The following KCNQ5 variants were observed in gnomAD, a reference collection of about 807,000 sequenced individuals.
KCNQ5 encodes potassium voltage-gated channel subfamily KQT member 5.
In KCNQ5, 30 loss-of-function variants were observed where a neutral mutation model predicts 98.2. The ratio of observed to expected loss-of-function variants is 0.31; its 90% confidence interval spans 0.23 to 0.41. The LOEUF is 0.41. Among genes scored for constraint, KCNQ5 ranks in the 10% least tolerant of loss-of-function variants. The pLI is 1.00. For synonymous variants in KCNQ5, 458 were observed against 449.4 expected (o/e 1.02, Z -0.24); for missense variants, 835 against 1,182.5 (o/e 0.71, Z 4.31).
chr6:73,086,856 A>G (rs1774008850), intron 5 of KCNQ5, among the ~76,000 whole-genome samples: 1 of 152,200 alleles, frequency 6.6e-6, no homozygotes, highest in South Asian at 2.1e-4. Flanking sequence ...AGTATTTTGG[A>G]TAAGACCTGA....
intron 1 of KCNQ5, among the ~76,000 whole-genome samples, chr6:72,909,457 G>A (rs1779836310): frequency 6.6e-6 from 1 of 152,160 alleles, no homozygotes; most frequent in Non-Finnish European, 1.5e-5. Flanking sequence ...TCCAAAGTGA[G>A]AATAATGATC....
At chr6:72,717,032 C>G (rs1001746581) in intron 1 of KCNQ5, among the ~76,000 whole-genome samples, 1 of 152,154 alleles carries the variant, frequency 6.6e-6, no homozygotes, top group Non-Finnish European at 1.5e-5. Context: ...CTCAAAGATG[C>G]TGAAATTCAT....
chr6:72,946,352 G>A (rs1165259533), intron 1 of KCNQ5, among the ~76,000 whole-genome samples: 1 of 152,102 alleles, frequency 6.6e-6, no homozygotes, highest in Non-Finnish European at 1.5e-5. Flanking sequence ...GATGAGATTA[G>A]CACCTTTCCC....
At chr6:72,887,111 GAA>G (rs1310473283) in intron 1 of KCNQ5, among the ~76,000 whole-genome samples, 2 of 152,148 alleles carry the variant, frequency 1.3e-5, no homozygotes, top group African/African-American at 4.8e-5. Context: ...AATGTTCTAA[GAA>G]AGAAGGAAAA....
intron 10 of KCNQ5, among the ~76,000 whole-genome samples, chr6:73,167,341 C>T (rs909596992): frequency 1.3e-5 from 2 of 152,204 alleles, no homozygotes; most frequent in Non-Finnish European, 2.9e-5. Context: ...TGCCCTGTCT[C>T]TCCTGACATA....
intron 1 of KCNQ5, among the ~76,000 whole-genome samples, chr6:72,930,194 C>T (rs1311318405): frequency 6.6e-6 from 1 of 151,002 alleles, no homozygotes; most frequent in Non-Finnish European, 1.5e-5. Flanking sequence ...GGAGTAGGAG[C>T]TTAACACATA....
At chr6:72,973,320 T>A (rs1767992629) in intron 1 of KCNQ5, among the ~76,000 whole-genome samples, 1 of 151,868 alleles carries the variant, frequency 6.6e-6, no homozygotes, top group Non-Finnish European at 1.5e-5. Flanking sequence ...TAAACTTCTC[T>A]AAAAAAACCT....
In KCNQ5 at chr6:73,124,528, C is replaced by A; in HGVS notation, c.1247+16C>A. On this transcript the variant is annotated intron_variant, in intron 9 of 13. Transcript: ENST00000370398. ...CATCAAGCAGGTTTGTGATTTCTCT[C>A]TTGCTACATGTTTGTTTATAAATCT... The A allele has an allele frequency of 6.2e-7, 1 of 1,612,228 alleles. No individual in the cohort carries two copies. Among genetic ancestry groups the A allele is most frequent in the Non-Finnish European group, 8.5e-7 (1 of 1,178,378 alleles).
chr6:72,926,500 A>T (rs962825574), intron 1 of KCNQ5, among the ~76,000 whole-genome samples: 2 of 152,164 alleles, frequency 1.3e-5, no homozygotes, highest in Non-Finnish European at 2.9e-5. Context: ...AGTGGTACCT[A>T]ATGACTCCCT....
At chr6:72,943,368 G>A (rs548828330) in intron 1 of KCNQ5, among the ~76,000 whole-genome samples, 2 of 152,232 alleles carry the variant, frequency 1.3e-5, no homozygotes, top group South Asian at 2.1e-4. Context: ...CTTATTTTTA[G>A]TTACTAACAA....
intron 1 of KCNQ5, among the ~76,000 whole-genome samples, chr6:72,732,959 T>C (rs899433921): frequency 6.6e-6 from 1 of 152,116 alleles, no homozygotes; most frequent in African/African-American, 2.4e-5. Flanking sequence ...TGGACAACTA[T>C]GTGAAAAGTA....
chr6:72,741,315 T>C (rs1033780410), intron 1 of KCNQ5, among the ~76,000 whole-genome samples: 2 of 152,168 alleles, frequency 1.3e-5, no homozygotes, highest in Non-Finnish European at 2.9e-5. Context: ...CAGGAAGATT[T>C]TGTGGTTTAC....
chr6:72,774,551 G>A (rs1340757841), intron 1 of KCNQ5, among the ~76,000 whole-genome samples: 1 of 151,908 alleles, frequency 6.6e-6, no homozygotes, highest in Non-Finnish European at 1.5e-5. Flanking sequence ...AATCCACACG[G>A]TGAAAGAAGA....
At chr6:73,186,751 G>A (rs1186254908) in intron 11 of KCNQ5, among the ~76,000 whole-genome samples, 2 of 152,126 alleles carry the variant, frequency 1.3e-5, no homozygotes, top group Non-Finnish European at 2.9e-5. Flanking sequence ...GTAAGTCTAT[G>A]TAATTTAATT....
At chr6:73,157,299 T>G (rs1777400921) in intron 10 of KCNQ5, among the ~76,000 whole-genome samples, 1 of 151,758 alleles carries the variant, frequency 6.6e-6, no homozygotes, top group Non-Finnish European at 1.5e-5. Context: ...CTGGGAGGCG[T>G]TGGAGAAAGG....
chr6:72,796,068 A>C (rs572838248), intron 1 of KCNQ5, among the ~76,000 whole-genome samples: 143 of 152,268 alleles, frequency 9.4e-4, no homozygotes, highest in African/African-American at 3.0e-3. Flanking sequence ...TCCAAATTCC[A>C]ATAGCTCACA....
Position 73,195,032 on chromosome 6 carries a change from A to G in KCNQ5, c.2417A>G (p.Lys806Arg). The change falls in exon 14 of 14, where the codon AAA becomes AGA. Residue 806 changes from lysine to arginine, a missense_variant. By Grantham distance (26) the Lys-to-Arg change is conservative (BLOSUM62 2). Around this residue, in one of 10 missense-constraint regions of KCNQ5, gnomAD observed 416 missense variants for 446.9 expected, o/e 0.93. Transcript: ENST00000370398. ...CTCACCAAGGACCGTTCTATGAGGAAAAGCTTTGACATGGGAGGAGAAACT... is the reference window on the plus strand; with the variant it reads ...CTCACCAAGGACCGTTCTATGAGGAGAAGCTTTGACATGGGAGGAGAAACT... ...SNLTKDRSMR[K>R]SFDMGGETLL... 1 of 1,614,206 alleles carries G rather than the reference A, an allele frequency of 6.2e-7. No individual in the cohort carries two copies. Among genetic ancestry groups the G allele is most frequent in the Non-Finnish European group, 8.5e-7 (1 of 1,180,046 alleles).
chr6:72,814,447 A>G (rs1775400470), intron 1 of KCNQ5, among the ~76,000 whole-genome samples: 1 of 152,258 alleles, frequency 6.6e-6, no homozygotes, highest in African/African-American at 2.4e-5. Context: ...ATTCCTGTGA[A>G]GATTACTTAG....
intron 1 of KCNQ5, among the ~76,000 whole-genome samples, chr6:72,926,657 G>C (rs1765434399): frequency 6.6e-6 from 1 of 152,082 alleles, no homozygotes; most frequent in African/African-American, 2.4e-5. Flanking sequence ...ATATTTCTAA[G>C]GGAAAGATAA....
Sources: gnomAD v4.1 joint callset for allele counts (sites outside exome capture counted in the v4.1 genomes callset) on GRCh38, gnomAD v4.1.1 for gene constraint, gnomAD v4.1.1 regional missense constraint, MANE v1.5 for transcripts, NCBI Gene and HGNC (gene_info 2026-07-23, HGNC 2026-07-21) for gene names.